The following POU1F1 variants were observed in gnomAD, a reference collection of about 807,000 sequenced individuals.
POU1F1 encodes the protein POU class 1 homeobox 1.
POU1F1 carries 23 observed loss-of-function variants against 32.3 expected under a neutral mutation model. The observed-to-expected ratio is 0.71, with a 90% confidence interval of 0.51 to 1.01. The LOEUF (loss-of-function observed/expected upper bound fraction) is 1.01. Among genes scored for constraint, POU1F1 ranks in the 50% least tolerant of loss-of-function variants. The pLI is 0.00. For missense variants in POU1F1, 323 were observed against 341.6 expected, an observed-to-expected ratio of 0.95 and a Z score of 0.43; for synonymous variants, 120 against 115.6, an observed-to-expected ratio of 1.04 and a Z score of -0.25.
intron 4 of POU1F1, among the ~76,000 whole-genome samples, chr3:87,261,740 A>C (rs1366472829): frequency 6.6e-6 from 1 of 152,184 alleles, no homozygotes; most frequent in Non-Finnish European, 1.5e-5. Flanking sequence ...ATTAGGATAC[A>C]AATGTGATTC....
chr3:87,267,679 CT>C (rs11339884), intron 2 of POU1F1, among the ~76,000 whole-genome samples: 59,301 of 151,652 alleles, frequency 0.39, 12,032 homozygotes, highest in South Asian at 0.57. Flanking sequence ...AAAATCTTAG[CT>C]CATTGCAATC....
intron 1 of POU1F1, among the ~76,000 whole-genome samples, chr3:87,275,817 T>C (rs907823678): frequency 2.5e-4 from 38 of 152,048 alleles, no homozygotes; most frequent in African/African-American, 8.2e-4. Flanking sequence ...ATATGTTAAT[T>C]AAAACTCTAT....
intron 3 of POU1F1, 98 bp downstream of exon 3, chr3:87,264,190 G>T: frequency 1.1e-6 from 1 of 952,348 alleles, no homozygotes; most frequent in Non-Finnish European, 1.7e-6. Flanking sequence ...TGAAGAATGA[G>T]AATCATCTTG....
chr3:87,264,757 G>T (rs1222178870), intron 2 of POU1F1, among the ~76,000 whole-genome samples: 5 of 151,958 alleles, frequency 3.3e-5, no homozygotes, highest in Non-Finnish European at 4.4e-5. Context: ...AAGAAGCAGG[G>T]GACTGCAAAT....
At chr3:87,260,934 G>A (rs904621334) in intron 5 of POU1F1, among the ~76,000 whole-genome samples, 3 of 146,272 alleles carry the variant, frequency 2.1e-5, no homozygotes, top group Non-Finnish European at 4.5e-5. Flanking sequence ...ATTTTGAGAC[G>A]GTGTCTCGCT....
At position 87,261,261 on chromosome 3, in the gene POU1F1, T is replaced by C. The variant is rs1178492951; in HGVS notation, c.665+12A>G. 6.5e-7 allele frequency: 1 copy of C among 1,543,044 alleles called. No homozygotes were observed. ...AGTTTTGTCCTCTAGTAACTTTTAATATAAAGAATACCTTATAGTTGTTCT... is the reference window on the plus strand; with the variant it reads ...AGTTTTGTCCTCTAGTAACTTTTAACATAAAGAATACCTTATAGTTGTTCT... On this transcript the variant is annotated intron_variant, in intron 5 of 5. Coordinates refer to ENST00000350375, the MANE Select transcript of POU1F1 (RefSeq NM_000306.4).
At chr3:87,261,991 C>G (rs927327525) in intron 4 of POU1F1, 80 bp downstream of exon 4, 27 of 1,552,176 alleles carry the variant, frequency 1.7e-5, no homozygotes, top group African/African-American at 2.7e-5. Context: ...AAACCTCCTG[C>G]TTTAGCATTA....
At chr3:87,262,394 C>T (rs1284839284) in intron 3 of POU1F1, among the ~76,000 whole-genome samples, 159 bp from the exon 4 acceptor site, 1 of 152,170 alleles carries the variant, frequency 6.6e-6, no homozygotes, top group Non-Finnish European at 1.5e-5. Flanking sequence ...ATTCATTATA[C>T]TTTGAAGTAC....
rs576859040 is a variant in POU1F1, at chr3:87,274,916, C to T, written c.142+1405G>A. On this transcript the variant is annotated intron_variant, in intron 1 of 5. Transcript: ENST00000350375. ...GGCTAATTTACTAAATAAATTGTTA[C>T]TTATTTTAAAGTAAATAAATGGCAT... is the stretch of plus-strand genomic sequence containing the variant. Among the ~76,000 whole-genome samples, 475 of 151,786 alleles carry T rather than the reference C, an allele frequency of 3.1e-3. 3 individuals are homozygous for T. The highest frequency in any genetic ancestry group is 0.011 in the African/African-American group (455 of 41,492).
Position 87,276,533 on chromosome 3 carries a change from C to T in POU1F1, c.-71G>A. 1.3e-6 allele frequency: 2 copies of T among 1,543,752 alleles called. No homozygotes were observed. The highest frequency in any genetic ancestry group is 2.3e-5 in the South Asian group (2 of 85,664). ...TCAGAGTTTTATTATATTACTGTCT[C>T]AAAGGGCCGATTCAATTCTCACTAC... On this transcript the variant is annotated 5_prime_UTR_variant, in exon 1 of 6. The change abolishes the stop of an existing upstream ORF in the 5' untranslated region. Transcript: ENST00000350375.
At chr3:87,273,453 G>A (rs780208819) in intron 1 of POU1F1, 35 bp from the exon 2 acceptor site, 2 of 1,611,126 alleles carry the variant, frequency 1.2e-6, no homozygotes, top group Non-Finnish European at 1.7e-6. Context: ...AGAAATGTGT[G>A]CACAAACATT....
At chr3:87,273,495 G>T (rs1369738321) in intron 1 of POU1F1, 77 bp from the exon 2 acceptor site, 2 of 1,594,554 alleles carry the variant, frequency 1.3e-6, no homozygotes, top group Admixed American at 1.8e-5. Flanking sequence ...AAATAGATGG[G>T]ACTGGTAAGA....
intron 1 of POU1F1, among the ~76,000 whole-genome samples, chr3:87,275,719 A>G (rs1406182147): frequency 6.6e-6 from 1 of 152,148 alleles, no homozygotes; most frequent in Non-Finnish European, 1.5e-5. Flanking sequence ...AAGTCTCTTC[A>G]GAATGCAATT....
At chr3:87,269,342 G>A (rs1423085107) in intron 2 of POU1F1, among the ~76,000 whole-genome samples, 1 of 152,120 alleles carries the variant, frequency 6.6e-6, no homozygotes, top group Non-Finnish European at 1.5e-5. Context: ...TAGAAAGGTT[G>A]AGATATTTAC....
intron 1 of POU1F1, 134 bp from the exon 2 acceptor site, chr3:87,273,552 C>T: frequency 2.1e-6 from 3 of 1,451,398 alleles, no homozygotes; most frequent in East Asian, 2.5e-5. Context: ...CAAAAATACA[C>T]ATTTATGTGG....
chr3:87,265,124 A>G (rs1424706603), intron 2 of POU1F1, among the ~76,000 whole-genome samples: 1 of 152,096 alleles, frequency 6.6e-6, no homozygotes, highest in Non-Finnish European at 1.5e-5. Context: ...TATAAAGTAT[A>G]TTAATATGGC....
intron 3 of POU1F1, among the ~76,000 whole-genome samples, chr3:87,262,461 A>G (rs766383519): frequency 3.0e-4 from 45 of 152,174 alleles, no homozygotes; most frequent in Non-Finnish European, 8.8e-5. Flanking sequence ...TTATCTAGTC[A>G]CTGAAAGAAT....
At chr3:87,263,963 T>A (rs965983133) in intron 3 of POU1F1, among the ~76,000 whole-genome samples, 1 of 152,006 alleles carries the variant, frequency 6.6e-6, no homozygotes, top group African/African-American at 2.4e-5. Flanking sequence ...ACATGTCACT[T>A]ATACTCTTTT....
chr3:87,274,493 C>T (rs1484252329), intron 1 of POU1F1, among the ~76,000 whole-genome samples: 4 of 151,482 alleles, frequency 2.6e-5, no homozygotes, highest in African/African-American at 4.8e-5. Flanking sequence ...AAAGACATGC[C>T]TTTCTTCATA....
Sources: allele counts gnomAD v4.1 joint callset (sites outside exome capture counted in the v4.1 genomes callset), GRCh38; gene constraint gnomAD v4.1.1; transcripts MANE v1.5; gene names NCBI Gene and HGNC (gene_info 2026-07-23, HGNC 2026-07-21).